DGKB: variants seen among roughly 807,000 people sequenced by gnomAD.
The protein encoded by DGKB is diacylglycerol kinase beta, also known as 90 kDa diacylglycerol kinase.
A neutral mutation model predicts 114.3 loss-of-function variants in DGKB; 67 were observed. The ratio of observed to expected loss-of-function variants is 0.59; its 90% CI spans 0.48 to 0.72. DGKB has a LOEUF of 0.72. Among genes scored for constraint, DGKB ranks in the 30% least tolerant of loss-of-function variants. The pLI, the probability that DGKB is intolerant of heterozygous loss-of-function variation, is 0.00. For synonymous variants in DGKB, 398 were observed against 323.1 expected (o/e 1.23, Z -2.49); for missense variants, 907 against 975.2 (o/e 0.93, Z 0.93).
intron 21 of DGKB, among the ~76,000 whole-genome samples, chr7:14,349,402 G>A (rs1240286770): frequency 6.6e-6 from 1 of 152,044 alleles, no homozygotes; most frequent in Non-Finnish European, 1.5e-5. Flanking sequence ...ACGAGGTTTT[G>A]GCTTGTATAG....
intron 1 of DGKB, among the ~76,000 whole-genome samples, chr7:14,915,023 A>G (rs932769667): frequency 2.0e-5 from 3 of 152,140 alleles, no homozygotes; most frequent in Admixed American, 6.6e-5. Context: ...ACTAACCAAG[A>G]ATTATGGGAC....
chr7:14,432,369 C>T (rs1828579882), intron 21 of DGKB, among the ~76,000 whole-genome samples: 1 of 152,148 alleles, frequency 6.6e-6, no homozygotes, highest in African/African-American at 2.4e-5. Flanking sequence ...TCATCACTCC[C>T]TCCGTGCAAA....
At chr7:14,248,087 C>T (rs367562178) in intron 23 of DGKB, among the ~76,000 whole-genome samples, 1 of 152,030 alleles carries the variant, frequency 6.6e-6, no homozygotes, top group Non-Finnish European at 1.5e-5. Context: ...GGTTTCCCAA[C>T]ACCATTTGTT....
chr7:14,836,493 T>C lies in DGKB; in HGVS notation c.70+4701A>G, dbSNP rs546934079. ...TATCACGTAGATTTCACATAGAAAATATTGTTATCCATGAAAAGCCCAGGA... is the reference window on the plus strand; with the variant it reads ...TATCACGTAGATTTCACATAGAAAACATTGTTATCCATGAAAAGCCCAGGA... On this transcript the variant is annotated intron_variant, in intron 2 of 25. Coordinates refer to ENST00000402815, the MANE Select transcript of DGKB (RefSeq NM_001350709.2). Among the ~76,000 whole-genome samples the C allele has an allele frequency of 8.5e-5, 13 of 152,222 alleles. No homozygotes were observed. The South Asian group carries it at 2.1e-3, about 24-fold the overall frequency.
At chr7:14,414,874 T>C (rs1248317911) in intron 21 of DGKB, among the ~76,000 whole-genome samples, 1 of 152,134 alleles carries the variant, frequency 6.6e-6, no homozygotes, top group Non-Finnish European at 1.5e-5. Flanking sequence ...CTGTGTAACT[T>C]ATCCATTAAA....
At chr7:14,811,542 C>T (rs1483498571) in intron 2 of DGKB, among the ~76,000 whole-genome samples, 2 of 152,066 alleles carry the variant, frequency 1.3e-5, no homozygotes, top group Non-Finnish European at 2.9e-5. Context: ...TCAAGTTATT[C>T]AACGTGAAAT....
At chr7:14,962,408 A>G (rs1463106448) in intron 1 of DGKB, among the ~76,000 whole-genome samples, 1 of 152,158 alleles carries the variant, frequency 6.6e-6, no homozygotes, top group Non-Finnish European at 1.5e-5. Flanking sequence ...AAAGATCAAA[A>G]TTGCATTAAT....
chr7:14,650,790 C>T lies in DGKB; in HGVS notation c.1135-20522G>A, dbSNP rs185836339. ...AAAAAAGAGAGAAGGATCAAATAGA[C>T]GCAATAAAAAATGATAAAGGGGATA... On this transcript the variant is annotated intron_variant, in intron 13 of 25. Transcript: ENST00000402815. Among the ~76,000 whole-genome samples the T allele has an allele frequency of 4.1e-3, 599 of 145,264 alleles. 16 individuals are homozygous for T. The East Asian group carries it at 0.048, about 12-fold the overall frequency.
chr7:14,729,279 CAT>C (rs1433532100), intron 5 of DGKB, among the ~76,000 whole-genome samples: 7 of 137,954 alleles, frequency 5.1e-5, no homozygotes, highest in Non-Finnish European at 1.0e-4. Context: ...CCTGCCACCA[CAT>C]CCGGCTAATT....
intron 23 of DGKB, among the ~76,000 whole-genome samples, chr7:14,317,362 A>T (rs1352304060): frequency 2.2e-5 from 3 of 135,684 alleles, no homozygotes; most frequent in Non-Finnish European, 4.7e-5. Flanking sequence ...TTTGCAGACG[A>T]CATGATTGTA....
intron 20 of DGKB, among the ~76,000 whole-genome samples, chr7:14,556,938 A>T (rs1044895402): frequency 2.0e-5 from 3 of 152,234 alleles, no homozygotes. Context: ...TGGAATTGCC[A>T]CCAAGTTTAG....
intron 16 of DGKB, among the ~76,000 whole-genome samples, chr7:14,608,396 G>GA (rs1278899444): frequency 6.6e-6 from 1 of 151,454 alleles, no homozygotes; most frequent in Non-Finnish European, 1.5e-5. Context: ...ATCCTGTCAT[G>GA]AAAAAAAATC....
intron 20 of DGKB, among the ~76,000 whole-genome samples, chr7:14,513,570 T>C (rs1003782972): frequency 6.6e-6 from 1 of 152,054 alleles, no homozygotes; most frequent in Non-Finnish European, 1.5e-5. Context: ...AACAGAATGA[T>C]TTTATTAAAA....
rs185240351 is a variant in DGKB at position 14,711,622 on chromosome 7, T to C, written c.466+6920A>G. 1.2e-4 allele frequency among the ~76,000 whole-genome samples: 18 copies of C among 152,280 alleles called. No individual in the cohort carries two copies. In the East Asian group the frequency reaches 3.1e-3, roughly 26 times the overall value. ...GGAGAAAATATGTACACATGTATAT[T>C]GACTTAGAGGTCTTAGAAATATAAA... On this transcript the variant is annotated intron_variant, in intron 6 of 25. Coordinates refer to ENST00000402815, the MANE Select transcript of DGKB (RefSeq NM_001350709.2).
intron 20 of DGKB, among the ~76,000 whole-genome samples, chr7:14,495,471 T>A (rs928083561): frequency 6.6e-6 from 1 of 151,842 alleles, no homozygotes; most frequent in Non-Finnish European, 1.5e-5. Context: ...TTCAGGCTTA[T>A]AGTCTTTTGA....
chr7:14,554,802 A>AT (rs977568181), intron 20 of DGKB, among the ~76,000 whole-genome samples: 3 of 151,784 alleles, frequency 2.0e-5, no homozygotes, highest in African/African-American at 7.3e-5. Context: ...AATATTAGGG[A>AT]TTTTTTTCAT....
intron 21 of DGKB, among the ~76,000 whole-genome samples, chr7:14,376,823 C>T (rs1249811822): frequency 2.0e-5 from 3 of 152,114 alleles, no homozygotes; most frequent in African/African-American, 7.2e-5. Flanking sequence ...AGATTAGTGA[C>T]ATTCAAATTG....
chr7:14,779,722 G>C (rs981003596), intron 2 of DGKB, among the ~76,000 whole-genome samples: 1 of 152,110 alleles, frequency 6.6e-6, no homozygotes, highest in African/African-American at 2.4e-5. Context: ...TATAAAAGGT[G>C]AGAAATATAC....
chr7:14,438,085 C>A (rs1318922512), intron 21 of DGKB, among the ~76,000 whole-genome samples: 1 of 151,872 alleles, frequency 6.6e-6, no homozygotes, highest in Non-Finnish European at 1.5e-5. Flanking sequence ...CAAGTCTCCC[C>A]ACACCACAAC....
Sources: allele counts gnomAD v4.1 joint callset (sites outside exome capture counted in the v4.1 genomes callset), GRCh38; gene constraint gnomAD v4.1.1; transcripts MANE v1.5; gene names NCBI Gene and HGNC (gene_info 2026-07-23, HGNC 2026-07-21).